The following ZNF609 variants were observed in gnomAD, a reference collection of about 807,000 sequenced individuals.
The protein encoded by ZNF609 is zinc finger protein 609.
In ZNF609, 11 loss-of-function variants were observed where a neutral mutation model predicts 109.5. The observed-to-expected ratio is 0.10, with a 90% CI of 0.06 to 0.17. The LOEUF (loss-of-function observed/expected upper bound fraction) is 0.17. Among genes scored for constraint, ZNF609 ranks in the 10% least tolerant of loss-of-function variants. The pLI is 1.00. For missense variants in ZNF609, 1,559 were observed against 1,772.4 expected (o/e 0.88, Z 2.16); for synonymous variants, 646 against 662.0 (o/e 0.98, Z 0.37).
rs773674657 is a variant in ZNF609, at chr15:64,499,675, G to A, written c.256G>A (p.Gly86Ser). The change falls in exon 2 of 10, where the codon GGC becomes AGC. Residue 86 changes from glycine (G) to serine (S), a missense_variant. Physicochemically the swap from Gly to Ser is moderately conservative, Grantham distance 56. Coordinates refer to ENST00000326648, the MANE Select transcript of ZNF609 (RefSeq NM_015042.2). ...AGTGCCAGGTCCTCAAGGGAAGGAA[G>A]GCAAATCAAAATCCAAAAGGAGTAA... is the stretch of plus-strand genomic sequence containing the variant. ...TPVPGPQGKE[G>S]KSKSKRSKSG... The A allele has an allele frequency of 2.5e-6, 4 of 1,613,930 alleles. No homozygotes were observed. The highest frequency in any genetic ancestry group is 2.5e-6 in the Non-Finnish European group (3 of 1,180,024).
intron 1 of ZNF609, among the ~76,000 whole-genome samples, chr15:64,486,497 C>G (rs1293302617): frequency 6.7e-6 from 1 of 149,994 alleles, no homozygotes; most frequent in Non-Finnish European, 1.5e-5. Context: ...GCACTCCAGC[C>G]CAGGTGACAG....
chr15:64,551,240 G>A (rs1894465112), intron 2 of ZNF609, among the ~76,000 whole-genome samples: 1 of 152,102 alleles, frequency 6.6e-6, no homozygotes, highest in Non-Finnish European at 1.5e-5. Context: ...ATTAATTTTT[G>A]TTATGGTATA....
intron 2 of ZNF609, among the ~76,000 whole-genome samples, chr15:64,584,754 G>A (rs1420022123): frequency 2.6e-5 from 4 of 151,290 alleles, no homozygotes; most frequent in Non-Finnish European, 5.9e-5. Flanking sequence ...TCAGCCTCCC[G>A]AGTAGCTGGG....
chr15:64,625,674 A>G (rs1595743465), intron 3 of ZNF609, among the ~76,000 whole-genome samples: 1 of 151,642 alleles, frequency 6.6e-6, no homozygotes, highest in South Asian at 2.1e-4. Flanking sequence ...GCGGATCACG[A>G]GGTCAGGAGA....
At chr15:64,608,346 C>G (rs148529823) in intron 2 of ZNF609, among the ~76,000 whole-genome samples, 3 of 151,842 alleles carry the variant, frequency 2.0e-5, no homozygotes, top group Non-Finnish European at 2.9e-5. Flanking sequence ...TACCATGTAC[C>G]CTTTTCCTAG....
intron 2 of ZNF609, among the ~76,000 whole-genome samples, chr15:64,579,376 C>T (rs989491075): frequency 2.1e-5 from 3 of 145,036 alleles, no homozygotes; most frequent in African/African-American, 7.8e-5. Flanking sequence ...TTCCATTGCT[C>T]TACAGTCTGG....
intron 2 of ZNF609, among the ~76,000 whole-genome samples, chr15:64,544,183 T>TA (rs1447247962): frequency 6.6e-6 from 1 of 152,052 alleles, no homozygotes; most frequent in East Asian, 1.9e-4. Context: ...TATTAAAAAA[T>TA]ACAAAAATTA....
chr15:64,609,076 CTTTCTTTCTTTCTT>C (rs1895664248), intron 2 of ZNF609, among the ~76,000 whole-genome samples: 1 of 33,628 alleles, frequency 3.0e-5, no homozygotes, highest in African/African-American at 8.2e-5. Flanking sequence ...TTCTTTCTTT[CTTTCTTTCTTTCTT>C]TCTTTCTTTC....
At chr15:64,496,183 G>A (rs559693106) in intron 1 of ZNF609, among the ~76,000 whole-genome samples, 1 of 152,272 alleles carries the variant, frequency 6.6e-6, no homozygotes, top group Admixed American at 6.5e-5. Flanking sequence ...CTGCAGCAGG[G>A]CAGGCAGTAC....
chr15:64,644,996 TCTTTCTTTCTTTCTTC>T (rs1466604327), intron 3 of ZNF609, among the ~76,000 whole-genome samples: 11 of 150,990 alleles, frequency 7.3e-5, no homozygotes, highest in African/African-American at 2.7e-4. Context: ...TTTCTTTCTT[TCTTTCTTTCTTTCTTC>T]CTTCCTTCCT....
At position 64,675,355 on chromosome 15, in the gene ZNF609, A is replaced by G. The variant is rs375602518; in HGVS notation, c.2501A>G (p.Glu834Gly). The G allele has an allele frequency of 5.9e-5, 95 of 1,613,894 alleles. No individual in the cohort carries two copies. The highest frequency in any genetic ancestry group is 1.6e-4 in the Middle Eastern group (1 of 6,082). The change falls in exon 5 of 10, where the codon GAA (glutamate) becomes GGA (glycine). Residue 834 changes from glutamate (E) to glycine (G), a missense_variant. Around this residue, in one of 4 missense-constraint regions of ZNF609, gnomAD observed 1,204 missense variants for 1,314.1 expected, o/e 0.92. Coordinates refer to ENST00000326648, the MANE Select transcript of ZNF609 (RefSeq NM_015042.2). ...PLHVVTQNGA[E>G]ASSVKTNSPA... ...CATGTGGTGACCCAGAATGGAGCTGAAGCCAGCTCAGTCAAAACCAACAGC... is the reference window on the plus strand; with the variant it reads ...CATGTGGTGACCCAGAATGGAGCTGGAGCCAGCTCAGTCAAAACCAACAGC...
chr15:64,551,292 C>A (rs1894466845), intron 2 of ZNF609, among the ~76,000 whole-genome samples: 1 of 152,150 alleles, frequency 6.6e-6, no homozygotes, highest in African/African-American at 2.4e-5. Context: ...CTTTTCATTT[C>A]TGACCCATTG....
intron 2 of ZNF609, among the ~76,000 whole-genome samples, chr15:64,546,256 T>C (rs1894358273): frequency 6.6e-6 from 1 of 152,124 alleles, no homozygotes; most frequent in African/African-American, 2.4e-5. Context: ...TTTTTCTTTT[T>C]TGCTTTGAGA....
intron 2 of ZNF609, among the ~76,000 whole-genome samples, chr15:64,583,934 A>G (rs1895152705): frequency 6.6e-6 from 1 of 152,156 alleles, no homozygotes; most frequent in South Asian, 2.1e-4. Context: ...TACCAATTTT[A>G]TAAGCTTAGG....
chr15:64,631,709 T>A (rs1299394888), intron 3 of ZNF609: 2 of 201,106 alleles, frequency 9.9e-6, no homozygotes, highest in Admixed American at 6.0e-5. Flanking sequence ...ATTTTGTATT[T>A]TTTTTTTTTT....
chr15:64,528,920 G>T, intron 2 of ZNF609: 1 of 1,185,916 alleles, frequency 8.4e-7, no homozygotes, highest in Non-Finnish European at 1.2e-6. Context: ...ATATTGGCAG[G>T]TTTTTCCAGA....
In ZNF609 at chr15:64,674,497, G is replaced by A. The variant is rs766963261; in HGVS notation, c.1643G>A (p.Cys548Tyr). 8 of 1,614,162 alleles carry A rather than the reference G, an allele frequency of 5.0e-6. No individual in the cohort carries two copies. The highest frequency in any genetic ancestry group is 6.8e-6 in the Non-Finnish European group (8 of 1,180,014). Reference protein sequence around the residue: ...EPILHADLGSCNGASVSQKGS... With the variant: ...EPILHADLGSYNGASVSQKGS... ...ATTCTCCATGCAGATCTTGGGAGCT[G>A]CAACGGTGCATCTGTCTCACAAAAA... is the stretch of plus-strand genomic sequence containing the variant. The change falls in exon 5 of 10, where the codon TGC becomes TAC. Residue 548 changes from cysteine (C) to tyrosine (Y), a missense_variant. Cys to Tyr is a radical substitution (Grantham distance 194). Transcript: ENST00000326648.
chr15:64,564,302 A>G (rs896546520), intron 2 of ZNF609, among the ~76,000 whole-genome samples: 1 of 152,072 alleles, frequency 6.6e-6, no homozygotes. Context: ...GGTTAAGGGT[A>G]GGGGGGACTA....
intron 1 of ZNF609, among the ~76,000 whole-genome samples, chr15:64,485,981 C>G (rs139212958): frequency 8.5e-5 from 13 of 152,244 alleles, no homozygotes; most frequent in Non-Finnish European, 1.9e-4. Flanking sequence ...TCTGTGCAGA[C>G]TTAATCACAT....
Sources: allele counts gnomAD v4.1 joint callset (sites outside exome capture counted in the v4.1 genomes callset), GRCh38; gene constraint gnomAD v4.1.1; regional missense constraint gnomAD v4.1.1; transcripts MANE v1.5; gene names NCBI Gene and HGNC (gene_info 2026-07-23, HGNC 2026-07-21).